Variants in METTL25B observed in about 807,000 individuals in gnomAD.
The protein encoded by METTL25B is methyltransferase-like protein 25B.
Under a neutral mutation model 48.4 loss-of-function variants are expected in METTL25B, and 38 were observed. That is an observed-to-expected ratio of 0.78 (90% CI 0.61 to 1.03). METTL25B has a LOEUF of 1.03. Ranked by LOEUF, METTL25B falls within the 50% of genes least tolerant of loss-of-function variation. METTL25B has a pLI of 0.00. For missense variants in METTL25B, 537 were observed against 603.7 expected (o/e 0.89, Z 1.16); for synonymous variants, 230 against 254.5 (o/e 0.90, Z 0.92).
Position 156,733,066 on chromosome 1 carries a change from G to A in METTL25B, c.492+19G>A. 5 of 1,612,354 alleles carry A rather than the reference G, an allele frequency of 3.1e-6. No individual in the cohort carries two copies. Among genetic ancestry groups the A allele is most frequent in the South Asian group, 1.1e-5 (1 of 90,922 alleles). On this transcript the variant is annotated intron_variant, in intron 4 of 7. Coordinates refer to ENST00000368216, the MANE Select transcript of METTL25B (RefSeq NM_015997.4). ...AGGCCAGGTGAGCCAGAGTCTTGAT[G>A]TACTGTTTTTTTGAGTCATGGGGAC... is the stretch of plus-strand genomic sequence containing the variant.
At position 156,734,188 on chromosome 1, in the gene METTL25B, C is replaced by T. The variant is rs1226611287; in HGVS notation, c.816C>T (p.Ser272=). The change falls in exon 6 of 8, where the codon TCC becomes TCT. Residue 272 remains serine (S), a synonymous_variant. Transcript: ENST00000368216. ...GTGTTGCCTTGCTGAGACACTTCTC[C>T]TGCTGTCCTGAGGTGGTGGCCCTGG... The part of the protein sequence containing the change: ...DLSVALLRHF[S]CCPEVVALAS... The T allele has an allele frequency of 6.2e-7, 1 of 1,614,266 alleles. No individual in the cohort carries two copies. The highest frequency in any genetic ancestry group is 8.5e-7 in the Non-Finnish European group (1 of 1,180,056).
intron 5 of METTL25B, 86 bp from the exon 6 acceptor site, chr1:156,733,923 A>T (rs1649499950): frequency 6.7e-7 from 1 of 1,501,010 alleles, no homozygotes; most frequent in African/African-American, 1.4e-5. Flanking sequence ...AATAACATGG[A>T]GGACAGATCC....
chr1:156,732,118 A>G lies in METTL25B; in HGVS notation c.236+3A>G, dbSNP rs1288497573. 2.5e-6 allele frequency: 4 copies of G among 1,614,182 alleles called. No homozygotes were observed. The highest frequency in any genetic ancestry group is 3.4e-6 in the Non-Finnish European group (4 of 1,180,024). On this transcript the variant is annotated splice_donor_region_variant and intron_variant, in intron 2 of 7. Transcript: ENST00000368216. ...CCTGGGGAAGGGGAGGTCGTCAGGT[A>G]TGGGCTAGAAGGTCCCTGTGCTGGG...
rs1649431030 is a variant in METTL25B at position 156,733,054 on chromosome 1, C to T, written c.492+7C>T. ...AGACGTGGGCTCAGGCCAGGTGAGCCAGAGTCTTGATGTACTGTTTTTTTG... is the reference window on the plus strand; with the variant it reads ...AGACGTGGGCTCAGGCCAGGTGAGCTAGAGTCTTGATGTACTGTTTTTTTG... On this transcript the variant is annotated splice_region_variant and intron_variant, in intron 4 of 7. Coordinates refer to ENST00000368216, the MANE Select transcript of METTL25B (RefSeq NM_015997.4). 6.2e-7 allele frequency: 1 copy of T among 1,613,550 alleles called. No individual in the cohort carries two copies. Among genetic ancestry groups the T allele is most frequent in the Admixed American group, 1.7e-5 (1 of 59,938 alleles).
chr1:156,733,158 AT>A (rs941065266), intron 4 of METTL25B, 111 bp downstream of exon 4: 658 of 1,149,416 alleles, frequency 5.7e-4, no homozygotes, highest in Middle Eastern at 1.0e-3. Flanking sequence ...GAAGCGTGGA[AT>A]TTTTTTTTTC....
rs200329588 is a variant in METTL25B at position 156,734,204 on chromosome 1, G to T, written c.832G>T (p.Val278Leu). ...ACACTTCTCCTGCTGTCCTGAGGTG[G>T]TGGCCCTGGCCTCAGTGGGCTGCTG... Reference protein sequence around the residue: ...LRHFSCCPEVVALASVGCCYM... With the variant: ...LRHFSCCPEVLALASVGCCYM... Residue 278 changes from valine to leucine, a missense_variant, in exon 6 of 8, where the codon GTG (valine) becomes TTG (leucine). By Grantham distance (32) the Val-to-Leu change is conservative. Transcript: ENST00000368216. 4.3e-6 allele frequency: 7 copies of T among 1,614,224 alleles called. No individual in the cohort carries two copies. Among genetic ancestry groups the T allele is most frequent in the Middle Eastern group, 3.3e-4 (2 of 6,060 alleles).
intron 6 of METTL25B, among the ~76,000 whole-genome samples, chr1:156,735,118 G>A (rs1417634368): frequency 2.6e-5 from 4 of 151,346 alleles, no homozygotes; most frequent in Non-Finnish European, 5.9e-5. Context: ...GCGAAACCCC[G>A]TCCCTACTAA....
At chr1:156,730,571 T>TA (rs138930396) in intron 1 of METTL25B, among the ~76,000 whole-genome samples, 35,486 of 146,998 alleles carry the variant, frequency 0.24, 5,296 homozygotes, top group Non-Finnish European at 0.34. Flanking sequence ...TAAAATAAAA[T>TA]AAAATAAAAA....
rs1283308528 is a variant in METTL25B at position 156,728,523 on chromosome 1, G to A, written c.-582G>A. On this transcript the variant is annotated 5_prime_UTR_variant, in exon 1 of 8. Transcript: ENST00000368216. Reference sequence around the variant, plus strand: ...GGCGCGCGGGTTAGAACGCGCCAGAGGTCGGCGCGCGCACACCCGCACCGC... The same window carrying A: ...GGCGCGCGGGTTAGAACGCGCCAGAAGTCGGCGCGCGCACACCCGCACCGC... The A allele has an allele frequency of 2.0e-6, 2 of 985,618 alleles. No homozygotes were observed. The highest frequency in any genetic ancestry group is 3.5e-5 in the African/African-American group (2 of 57,362). 61.1% of individuals were successfully genotyped at this position (985,618 alleles called of 1,614,324 possible).
chr1:156,732,209 C>T, intron 2 of METTL25B, 72 bp from the exon 3 acceptor site: 3 of 1,607,204 alleles, frequency 1.9e-6, no homozygotes, highest in African/African-American at 1.3e-5. Context: ...TCTTCCTGGG[C>T]CTCGGGTTGT....
rs199669034 is a variant in METTL25B at position 156,734,302 on chromosome 1, G to A, written c.930G>A (p.Leu310=). 134 of 1,614,142 alleles carry A rather than the reference G, an allele frequency of 8.3e-5. No individual in the cohort carries two copies. The highest frequency in any genetic ancestry group is 1.0e-4 in the Non-Finnish European group (121 of 1,180,028). ...QWVAGLPGYE[L]PYRLREGACH... ...TGGCTGGGCTGCCTGGCTATGAACT[G>A]CCCTACCGGCTTCGGGAGGGGGCCT... is the stretch of plus-strand genomic sequence containing the variant. The change falls in exon 6 of 8, where the codon CTG becomes CTA. Residue 310 remains leucine (L), a synonymous_variant. Transcript: ENST00000368216.
chr1:156,736,840 C>A lies in METTL25B; in HGVS notation c.*87C>A. On this transcript the variant is annotated 3_prime_UTR_variant, in exon 8 of 8. Transcript: ENST00000368216. ...GAGTACATCTCATCCAGAGAAACAG[C>A]ATCCTGCATCCTCCAGAGTCCTGGT... The A allele has an allele frequency of 7.6e-7, 1 of 1,319,680 alleles. No individual in the cohort carries two copies. The highest frequency in any genetic ancestry group is 1.0e-6 in the Non-Finnish European group (1 of 961,460). 81.7% of individuals were successfully genotyped at this position (1,319,680 alleles called of 1,614,324 possible). A position where few individuals can be genotyped will look rare whatever the true frequency, so the allele number is the denominator to read the frequency against.
rs758842468 is a variant in METTL25B, at chr1:156,734,203, G to C, written c.831G>C (p.Val277=). The C allele has an allele frequency of 6.2e-7, 1 of 1,614,120 alleles. No homozygotes were observed. The highest frequency in any genetic ancestry group is 1.3e-5 in the African/African-American group (1 of 74,948). The change falls in exon 6 of 8, where the codon GTG becomes GTC. Residue 277 remains valine (V), a synonymous_variant. Transcript: ENST00000368216. Reference sequence around the variant, plus strand: ...GACACTTCTCCTGCTGTCCTGAGGTGGTGGCCCTGGCCTCAGTGGGCTGCT... The same window carrying C: ...GACACTTCTCCTGCTGTCCTGAGGTCGTGGCCCTGGCCTCAGTGGGCTGCT... ...LLRHFSCCPE[V]VALASVGCCY... is the part of the protein sequence containing the mutation.
chr1:156,733,519 A>C lies in METTL25B; in HGVS notation c.635A>C (p.Gln212Pro). 1 of 1,613,506 alleles carries C rather than the reference A, an allele frequency of 6.2e-7. No homozygotes were observed. The highest frequency in any genetic ancestry group is 1.3e-5 in the African/African-American group (1 of 75,022). Residue 212 changes from glutamine (Q) to proline (P), a missense_variant and splice_region_variant, in exon 5 of 8, where the codon CAG becomes CCG. Transcript: ENST00000368216. ...GAGAAAGAGGAGAAGAGGAACCCGC[A>C]GGTAGGCCAACCCTTCCTGCGACCT... ...ALEKEEKRNP[Q>P]VVQTSPRHSP... is the part of the protein sequence containing the mutation.
chr1:156,733,849 C>T (rs937188099), intron 5 of METTL25B, among the ~76,000 whole-genome samples, 160 bp from the exon 6 acceptor site: 2 of 152,202 alleles, frequency 1.3e-5, no homozygotes, highest in Non-Finnish European at 2.9e-5. Flanking sequence ...GACTTTTCCC[C>T]CTCTCCTGAC....
chr1:156,733,071 GT>G, intron 4 of METTL25B, 24 bp downstream of exon 4: 5 of 1,608,074 alleles, frequency 3.1e-6, no homozygotes, highest in Non-Finnish European at 4.3e-6. Context: ...TTGATGTACT[GT>G]TTTTTTGAGT....
chr1:156,731,142 G>A (rs1649254014), intron 1 of METTL25B, among the ~76,000 whole-genome samples: 1 of 151,998 alleles, frequency 6.6e-6, no homozygotes, highest in South Asian at 2.1e-4. Flanking sequence ...TGTTTTTTTT[G>A]AGAGGGAGTT....
rs1649434233 is a variant in METTL25B, at chr1:156,733,087, G to A, written c.492+40G>A. On this transcript the variant is annotated intron_variant, in intron 4 of 7. Transcript: ENST00000368216. ...TGATGTACTGTTTTTTTGAGTCATG[G>A]GGACATAGAACACCTGGAAGGCAGG... The A allele has an allele frequency of 1.9e-6, 3 of 1,583,828 alleles. No homozygotes were observed. The African/African-American group carries it at 4.1e-5, about 21-fold the overall frequency.
intron 2 of METTL25B, 24 bp downstream of exon 2, chr1:156,732,139 C>A: frequency 6.2e-7 from 1 of 1,614,012 alleles, no homozygotes; most frequent in Non-Finnish European, 8.5e-7. Context: ...GGTCCCTGTG[C>A]TGGGGAACTC....
Sources: gnomAD v4.1 joint callset for allele counts (sites outside exome capture counted in the v4.1 genomes callset) on GRCh38, gnomAD v4.1.1 for gene constraint, MANE v1.5 for transcripts, NCBI Gene and HGNC (gene_info 2026-07-23, HGNC 2026-07-21) for gene names.